Variants in THAP10 observed in about 807,000 individuals in gnomAD.
The protein encoded by THAP10 is THAP domain-containing protein 10.
THAP10 carries 10 observed loss-of-function variants against 15.7 expected under a neutral mutation model. The observed-to-expected ratio is 0.64, with a 90% confidence interval of 0.39 to 1.08. THAP10 has a LOEUF of 1.08. Ranked by LOEUF, THAP10 falls within the 50% of genes least tolerant of loss-of-function variation. The pLI is 0.01. For synonymous variants in THAP10, 127 were observed against 129.1 expected (o/e 0.98, Z 0.11); for missense variants, 310 against 330.9 (o/e 0.94, Z 0.49).
intron 1 of THAP10, among the ~76,000 whole-genome samples, chr15:70,888,330 G>C (rs1221123473): frequency 6.6e-6 from 1 of 152,148 alleles, no homozygotes; most frequent in Non-Finnish European, 1.5e-5. Flanking sequence ...ACAGATAAGT[G>C]AAACAGAATA....
Position 70,882,917 on chromosome 15 carries a change from A to G in THAP10, c.430-9T>C, listed in dbSNP as rs1182610723. Reference sequence around the variant, plus strand: ...TCATTTTCACACGTAATCTAAAAATACAAATCAGAGGAGAAACATATTAAA... The same window carrying G: ...TCATTTTCACACGTAATCTAAAAATGCAAATCAGAGGAGAAACATATTAAA... On this transcript the variant is annotated splice_polypyrimidine_tract_variant and intron_variant, in intron 1 of 2. Coordinates refer to ENST00000249861, the MANE Select transcript of THAP10 (RefSeq NM_020147.4). 2.5e-6 allele frequency: 4 copies of G among 1,613,834 alleles called. No homozygotes were observed. In the South Asian group the frequency reaches 4.4e-5, roughly 18 times the overall value.
chr15:70,891,233 G>C (rs567427135), intron 1 of THAP10, among the ~76,000 whole-genome samples: 1 of 152,256 alleles, frequency 6.6e-6, no homozygotes, highest in South Asian at 2.1e-4. Context: ...TGTTTAGAAG[G>C]AACAGAAAAG....
chr15:70,882,982 A>G (rs2033305088), intron 1 of THAP10, 74 bp from the exon 2 acceptor site: 2 of 1,503,008 alleles, frequency 1.3e-6, no homozygotes, highest in Admixed American at 1.9e-5. Context: ...AGTTACAAGT[A>G]GTAAGACAGT....
intron 1 of THAP10, among the ~76,000 whole-genome samples, chr15:70,887,042 T>G (rs2033428760): frequency 2.0e-5 from 3 of 151,994 alleles, no homozygotes; most frequent in African/African-American, 7.3e-5. Context: ...ATACTATTAA[T>G]CAAAATGGAT....
chr15:70,890,911 C>T (rs1047531083), intron 1 of THAP10, among the ~76,000 whole-genome samples: 10 of 152,150 alleles, frequency 6.6e-5, no homozygotes, highest in Non-Finnish European at 1.2e-4. Context: ...GGGGAAAAAA[C>T]ATGCAGGGCC....
intron 1 of THAP10, among the ~76,000 whole-genome samples, chr15:70,883,590 C>T (rs898473056): frequency 9.9e-5 from 15 of 152,036 alleles, no homozygotes; most frequent in African/African-American, 3.6e-4. Context: ...TAGAAGTCTC[C>T]TTTAATAAGA....
intron 1 of THAP10, among the ~76,000 whole-genome samples, chr15:70,889,105 T>G (rs1263627528): frequency 6.6e-6 from 1 of 152,220 alleles, no homozygotes; most frequent in African/African-American, 2.4e-5. Context: ...CTCAGAAATG[T>G]GTGCACACGT....
chr15:70,883,675 GTCTCCC>G (rs1426567912), intron 1 of THAP10, among the ~76,000 whole-genome samples: 1 of 149,920 alleles, frequency 6.7e-6, no homozygotes, highest in African/African-American at 2.5e-5. Context: ...TGAGACAGGG[GTCTCCC>G]TCTGTCACCC....
chr15:70,883,133 G>A (rs1246795295), intron 1 of THAP10, among the ~76,000 whole-genome samples: 1 of 151,972 alleles, frequency 6.6e-6, no homozygotes, highest in African/African-American at 2.4e-5. Context: ...CAGCCAGAAT[G>A]CATAAGCTAT....
chr15:70,884,543 GAA>G (rs1346347850), intron 1 of THAP10, among the ~76,000 whole-genome samples: 1 of 135,888 alleles, frequency 7.4e-6, no homozygotes, highest in Admixed American at 7.3e-5. Context: ...TATACACACA[GAA>G]AAAAAAAAAA....
intron 1 of THAP10, 74 bp downstream of exon 1, chr15:70,891,770 C>A: frequency 7.4e-7 from 1 of 1,360,006 alleles, no homozygotes; most frequent in South Asian, 1.5e-5. Context: ...GTGCCTTTCC[C>A]AAGGTGACAC....
intron 1 of THAP10, among the ~76,000 whole-genome samples, chr15:70,886,137 A>G (rs1317907927): frequency 6.6e-6 from 1 of 152,214 alleles, no homozygotes; most frequent in Non-Finnish European, 1.5e-5. Flanking sequence ...AATAATAAAA[A>G]TACTGCATAC....
intron 1 of THAP10, among the ~76,000 whole-genome samples, chr15:70,890,503 A>G (rs558542787): frequency 6.6e-6 from 1 of 152,358 alleles, no homozygotes; most frequent in Admixed American, 6.5e-5. Context: ...ACAATGGCAA[A>G]GAAATCAGAC....
At chr15:70,884,228 A>G (rs964854762) in intron 1 of THAP10, among the ~76,000 whole-genome samples, 2 of 152,144 alleles carry the variant, frequency 1.3e-5, no homozygotes, top group Non-Finnish European at 2.9e-5. Context: ...ATCATAGGCT[A>G]TTGATACCCA....
Position 70,892,155 on chromosome 15 carries a change from A to G in THAP10, c.118T>C (p.Cys40Arg). The G allele has an allele frequency of 1.2e-6, 2 of 1,613,020 alleles. No homozygotes were observed. The highest frequency in any genetic ancestry group is 1.7e-6 in the Non-Finnish European group (2 of 1,179,600). ...TTGCCTCCGTACCAGTCGGCGCGGC[A>G]ACCCCGCACGAAGCGGTCCCAGAGC... ...RLLWDRFVRG[C>R]RADWYGGNDR... is the part of the protein sequence containing the mutation. The change falls in exon 1 of 3, where the codon TGC (cysteine) becomes CGC (arginine). Residue 40 changes from cysteine to arginine, a missense_variant. Cys to Arg is a radical substitution (Grantham distance 180, BLOSUM62 -3). Coordinates refer to ENST00000249861, the MANE Select transcript of THAP10 (RefSeq NM_020147.4).
In THAP10 at chr15:70,891,853, T is replaced by G. The variant is rs1595985691; in HGVS notation, c.420A>C (p.Ala140=). 4.4e-6 allele frequency: 7 copies of G among 1,593,586 alleles called. No homozygotes were observed. The highest frequency in any genetic ancestry group is 6.0e-6 in the Non-Finnish European group (7 of 1,171,682). Residue 140 remains alanine (A), a synonymous_variant, in exon 1 of 3, where the codon GCA becomes GCC. Coordinates refer to ENST00000249861, the MANE Select transcript of THAP10 (RefSeq NM_020147.4). ...CTRPRAGKQA[A]ASQITCENEL... ...GGTGGTCTCTCTTTACCTGTGAAGC[T>G]GCAGCCTGCTTCCCAGCTCGGGGGC...
rs1362261507 is a variant in THAP10 at position 70,892,300 on chromosome 15, G to A, written c.-28C>T. 6.4e-7 allele frequency: 1 copy of A among 1,550,884 alleles called. No individual in the cohort carries two copies. Among genetic ancestry groups the A allele is most frequent in the Non-Finnish European group, 8.7e-7 (1 of 1,147,060 alleles). On this transcript the variant is annotated 5_prime_UTR_variant, in exon 1 of 3. Transcript: ENST00000249861. Reference sequence around the variant, plus strand: ...CGGCCGTCTTCGGTGCGCGGGAGCCGGGTTCCCTGGACCTTCGCCCTTGGG... The same window carrying A: ...CGGCCGTCTTCGGTGCGCGGGAGCCAGGTTCCCTGGACCTTCGCCCTTGGG...
rs773506483 is a variant in THAP10 at position 70,882,746 on chromosome 15, A to G, written c.577+15T>C. 8.1e-6 allele frequency: 13 copies of G among 1,613,874 alleles called. No individual in the cohort carries two copies. The highest frequency in any genetic ancestry group is 1.6e-4 in the Middle Eastern group (1 of 6,074). ...TCAATTCAATTGCTTAATCCATTGA[A>G]GAGTCAAAACATACCCACACTACGG... On this transcript the variant is annotated intron_variant, in intron 2 of 2. Transcript: ENST00000249861.
Position 70,882,813 on chromosome 15 carries a change from TG to T in THAP10, c.524del (p.Pro175GlnfsTer10), listed in dbSNP as rs1233484247. On this transcript the variant is annotated frameshift_variant, in exon 2 of 3. Coordinates refer to ENST00000249861, the MANE Select transcript of THAP10 (RefSeq NM_020147.4). LOFTEE classifies it high-confidence loss of function. Reference sequence around the variant, plus strand: ...AAGAAATTTGTGTACTTTTATGCACTGGGCCTTCTTCACAGTGAGTAGGTAC... The same window carrying T: ...AAGAAATTTGTGTACTTTTATGCACTGGCCTTCTTCACAGTGAGTAGGTAC... ...TSVPTHCEEG[P>X]VHKSTQISLK... is the part of the protein sequence containing the mutation. The T allele has an allele frequency of 5.6e-6, 9 of 1,614,106 alleles. No homozygotes were observed. The highest frequency in any genetic ancestry group is 5.9e-6 in the Non-Finnish European group (7 of 1,180,038).
Sources: allele counts gnomAD v4.1 joint callset (sites outside exome capture counted in the v4.1 genomes callset), GRCh38; gene constraint gnomAD v4.1.1; transcripts MANE v1.5; gene names NCBI Gene and HGNC (gene_info 2026-07-23, HGNC 2026-07-21).